The following RNF169 variants were observed in gnomAD, a reference collection of about 807,000 sequenced individuals.
RNF169 encodes E3 ubiquitin-protein ligase RNF169.
In RNF169, 24 loss-of-function variants were observed where a neutral mutation model predicts 53.9. The ratio of observed to expected loss-of-function variants is 0.45; its 90% CI spans 0.32 to 0.63. RNF169 has a LOEUF of 0.63. Among genes scored for constraint, RNF169 ranks in the 20% least tolerant of loss-of-function variants. The pLI, the probability that RNF169 is intolerant of heterozygous loss-of-function variation, is 0.04. For missense variants in RNF169, 883 were observed against 906.2 expected, an observed-to-expected ratio of 0.97 and a Z score of 0.33; for synonymous variants, 396 against 363.5, an observed-to-expected ratio of 1.09 and a Z score of -1.02.
chr11:74,793,105 G>A (rs1214082532), intron 2 of RNF169, among the ~76,000 whole-genome samples: 3 of 152,204 alleles, frequency 2.0e-5, no homozygotes, highest in East Asian at 1.9e-4. Context: ...CAAAAAGATG[G>A]TAAGTGAAAG....
intron 1 of RNF169, among the ~76,000 whole-genome samples, chr11:74,753,557 C>CAT (rs2034934745): frequency 5.3e-5 from 8 of 152,074 alleles, no homozygotes; most frequent in Non-Finnish European, 1.2e-4. Flanking sequence ...GCAAAAACAG[C>CAT]AATTACTTTT....
Position 74,836,449 on chromosome 11 carries a change from CCTT to C in RNF169, c.1850_1852del (p.Ser617del). The C allele has an allele frequency of 6.2e-7, 1 of 1,614,174 alleles. No individual in the cohort carries two copies. Among genetic ancestry groups the C allele is most frequent in the Non-Finnish European group, 8.5e-7 (1 of 1,180,020 alleles). ...TGAGAGCCTAAGTGAAGAGCCACTT[CCTT>C]CTTTGCGTCGAGGCCGGAAAAGACA... On this transcript the variant is annotated inframe_deletion, in exon 6 of 6. Coordinates refer to ENST00000299563, the MANE Select transcript of RNF169 (RefSeq NM_001098638.2).
chr11:74,787,272 T>C (rs996920618), intron 1 of RNF169, among the ~76,000 whole-genome samples: 1 of 151,922 alleles, frequency 6.6e-6, no homozygotes, highest in South Asian at 2.1e-4. Context: ...CCGGGAAGAG[T>C]ATTGCTAGTC....
At position 74,836,120 on chromosome 11, in the gene RNF169, C is replaced by G. The variant is rs1179232542; in HGVS notation, c.1517C>G (p.Ser506Cys). 9 of 1,614,182 alleles carry G rather than the reference C, an allele frequency of 5.6e-6. No individual in the cohort carries two copies. The South Asian group carries it at 7.7e-5, about 14-fold the overall frequency. The change falls in exon 6 of 6, where the codon TCT becomes TGT. Residue 506 changes from serine to cysteine, a missense_variant. Ser to Cys is a moderately radical substitution (Grantham distance 112, BLOSUM62 -1). Coordinates refer to ENST00000299563, the MANE Select transcript of RNF169 (RefSeq NM_001098638.2). Reference sequence around the variant, plus strand: ...TCTGCTGATCTTGATCATTTCCCCTCTGTTAGCCAAACAAAAGCAGAACAG... The same window carrying G: ...TCTGCTGATCTTGATCATTTCCCCTGTGTTAGCCAAACAAAAGCAGAACAG... Reference protein sequence around the residue: ...PTSADLDHFPSVSQTKAEQDS... With the variant: ...PTSADLDHFPCVSQTKAEQDS...
intron 1 of RNF169, among the ~76,000 whole-genome samples, chr11:74,781,424 G>A (rs1017353040): frequency 8.5e-5 from 13 of 152,180 alleles, no homozygotes; most frequent in African/African-American, 2.9e-4. Context: ...AATAAAACCA[G>A]ACAGTACAGA....
intron 2 of RNF169, among the ~76,000 whole-genome samples, chr11:74,805,107 A>G (rs865860643): frequency 6.6e-6 from 1 of 152,274 alleles, no homozygotes; most frequent in Non-Finnish European, 1.5e-5. Flanking sequence ...GATTTATTCA[A>G]AATAGCCCAG....
chr11:74,780,236 TA>T (rs1425073914), intron 1 of RNF169, among the ~76,000 whole-genome samples: 3 of 152,234 alleles, frequency 2.0e-5, no homozygotes, highest in South Asian at 2.1e-4. Context: ...TTCTGCTTTT[TA>T]TTATGTCCCT....
chr11:74,824,848 G>C (rs1362050057), intron 4 of RNF169, among the ~76,000 whole-genome samples: 1 of 152,164 alleles, frequency 6.6e-6, no homozygotes, highest in Non-Finnish European at 1.5e-5. Context: ...CTAGAAAATA[G>C]CAGAAGTCCT....
intron 1 of RNF169, among the ~76,000 whole-genome samples, chr11:74,762,321 A>C (rs981458990): frequency 2.0e-5 from 3 of 151,564 alleles, no homozygotes; most frequent in African/African-American, 7.3e-5. Context: ...ATCATTCTCC[A>C]TCCAGCTTTG....
At chr11:74,757,457 T>C (rs1430160797) in intron 1 of RNF169, among the ~76,000 whole-genome samples, 2 of 144,650 alleles carry the variant, frequency 1.4e-5, no homozygotes, top group African/African-American at 5.2e-5. Flanking sequence ...GCAGTAAACA[T>C]ACGTGTGCAT....
chr11:74,778,559 A>G (rs1252869216), intron 1 of RNF169, among the ~76,000 whole-genome samples: 1 of 152,250 alleles, frequency 6.6e-6, no homozygotes, highest in Non-Finnish European at 1.5e-5. Flanking sequence ...AGACTTAGCC[A>G]GTAAACGAGA....
intron 1 of RNF169, among the ~76,000 whole-genome samples, chr11:74,781,525 G>C (rs535713836): frequency 6.6e-6 from 1 of 152,186 alleles, no homozygotes; most frequent in Admixed American, 6.5e-5. Context: ...AGTATGGCGA[G>C]TAATCAGCAG....
intron 4 of RNF169, among the ~76,000 whole-genome samples, chr11:74,826,659 A>G (rs1211731498): frequency 2.0e-5 from 3 of 152,254 alleles, no homozygotes; most frequent in Non-Finnish European, 2.9e-5. Flanking sequence ...TCATAGATGC[A>G]ATAAGGGTAT....
chr11:74,760,003 A>G (rs925194082), intron 1 of RNF169, among the ~76,000 whole-genome samples: 15 of 151,272 alleles, frequency 9.9e-5, no homozygotes, highest in Admixed American at 2.6e-4. Flanking sequence ...TTATTGGTCT[A>G]TTCAGAGATT....
rs187472222 is a variant in RNF169, at chr11:74,769,701, C to T, written c.503-19925C>T. Among the ~76,000 whole-genome samples the T allele has an allele frequency of 1.2e-3, 186 of 152,228 alleles. 1 individual carries two copies. Among genetic ancestry groups the T allele is most frequent in the African/African-American group, 4.3e-3 (178 of 41,530 alleles). ...GGAAAAGTTGCAAAAGAATATGTAT[C>T]CTTTGATGCCATTTATATAAGTAAA... On this transcript the variant is annotated intron_variant, in intron 1 of 5. Coordinates refer to ENST00000299563, the MANE Select transcript of RNF169 (RefSeq NM_001098638.2).
chr11:74,794,749 CAG>C (rs1181120026), intron 2 of RNF169, among the ~76,000 whole-genome samples: 1 of 152,054 alleles, frequency 6.6e-6, no homozygotes, highest in Non-Finnish European at 1.5e-5. Flanking sequence ...AGGAGAGTGA[CAG>C]AGAGGGGTCA....
chr11:74,785,422 G>A (rs1039492827), intron 1 of RNF169, among the ~76,000 whole-genome samples: 4 of 148,290 alleles, frequency 2.7e-5, no homozygotes, highest in South Asian at 2.1e-4. Context: ...CTAATGTTAC[G>A]TTCTTTTTGC....
At chr11:74,817,779 G>A (rs2035958149) in intron 4 of RNF169, 65 bp downstream of exon 4, 2 of 992,516 alleles carry the variant, frequency 2.0e-6, no homozygotes, top group South Asian at 1.3e-5. Flanking sequence ...AAAAGGGACT[G>A]GGGGAGCAAA....
chr11:74,821,657 C>CAA (rs1230736435), intron 4 of RNF169, among the ~76,000 whole-genome samples: 577 of 25,986 alleles, frequency 0.022, 56 homozygotes, highest in East Asian at 0.092. Flanking sequence ...GACTCCGTCT[C>CAA]AAAAAAAAAA....
Sources: allele counts gnomAD v4.1 joint callset (sites outside exome capture counted in the v4.1 genomes callset), GRCh38; gene constraint gnomAD v4.1.1; transcripts MANE v1.5; gene names NCBI Gene and HGNC (gene_info 2026-07-23, HGNC 2026-07-21).